Variants in NFIC observed in about 807,000 individuals in gnomAD.
NFIC encodes the protein nuclear factor I C, also known as nuclear factor 1 C-type.
Under a neutral mutation model 54.4 loss-of-function variants are expected in NFIC, and 12 were observed. The ratio of observed to expected loss-of-function variants is 0.22; its 90% CI spans 0.14 to 0.36. The LOEUF is 0.36. Ranked by LOEUF, NFIC falls within the 10% of genes least tolerant of loss-of-function variation. NFIC has a pLI of 1.00. For missense variants in NFIC, 575 were observed against 718.2 expected, an observed-to-expected ratio of 0.80 and a Z score of 2.28; for synonymous variants, 322 against 319.2, an observed-to-expected ratio of 1.01 and a Z score of -0.09.
At position 3,455,414 on chromosome 19, in the gene NFIC, A is replaced by G. The variant is rs374795449; in HGVS notation, c.1424-1136A>G. 3.4e-5 allele frequency among the ~76,000 whole-genome samples: 5 copies of G among 147,600 alleles called. No homozygotes were observed. In the East Asian group the frequency reaches 8.0e-4, roughly 24 times the overall value. On this transcript the variant is annotated intron_variant, in intron 9 of 10. Coordinates refer to ENST00000443272, the MANE Select transcript of NFIC (RefSeq NM_001245002.2). ...TGGGATTATGCCCAGTGCCTGGCAT[A>G]CAGTAGACACTTAATAGATGCAGGA...
upstream of NFIC, among the ~76,000 whole-genome samples, chr19:3,361,926 A>G (rs2080816972): frequency 6.6e-6 from 1 of 152,162 alleles, no homozygotes; most frequent in African/African-American, 2.4e-5. Flanking sequence ...AGAGACTCAC[A>G]TAGACACACA....
chr19:3,366,802 C>CTGGGGTCCACG, intron 1 of NFIC, 136 bp downstream of exon 1: 1 of 574,960 alleles, frequency 1.7e-6, no homozygotes, highest in South Asian at 3.0e-5. Context: ...GCCCCCCGCG[C>CTGGGGTCCACG]CGAGGGCTGG....
intron 10 of NFIC, among the ~76,000 whole-genome samples, chr19:3,461,527 A>G (rs1490774059): frequency 6.6e-6 from 1 of 150,568 alleles, no homozygotes; most frequent in Non-Finnish European, 1.5e-5. Flanking sequence ...ATTCAAGACC[A>G]GCCCGGCCAA....
At chr19:3,384,055 T>G (rs1428993810) in intron 2 of NFIC, among the ~76,000 whole-genome samples, 6 of 150,424 alleles carry the variant, frequency 4.0e-5, no homozygotes, top group Non-Finnish European at 7.4e-5. Flanking sequence ...CAGTGTTTTT[T>G]TTTTTTTTTT....
At chr19:3,457,772 G>A (rs1474625476) in intron 10 of NFIC, 6 of 152,194 alleles carry the variant, frequency 3.9e-5, no homozygotes, top group South Asian at 4.1e-4. Context: ...GGGACCCTGC[G>A]GGGCTGTCCT....
At chr19:3,400,357 G>A (rs982750272) in intron 2 of NFIC, among the ~76,000 whole-genome samples, 1 of 151,932 alleles carries the variant, frequency 6.6e-6, no homozygotes, top group African/African-American at 2.4e-5. Context: ...GGTGCCTGTT[G>A]TCCCAGATCC....
At chr19:3,399,247 G>A (rs971618945) in intron 2 of NFIC, among the ~76,000 whole-genome samples, 1 of 152,220 alleles carries the variant, frequency 6.6e-6, no homozygotes, top group Non-Finnish European at 1.5e-5. Context: ...CCTGCTCTGT[G>A]GGGTTGCTGA....
intron 2 of NFIC, among the ~76,000 whole-genome samples, chr19:3,393,970 TCTCG>T (rs972886395): frequency 4.4e-4 from 66 of 151,102 alleles, no homozygotes; most frequent in African/African-American, 1.5e-3. Context: ...TGAGACAGAG[TCTCG>T]CTCTGTCGCC....
In NFIC at chr19:3,463,572, C is replaced by T. The variant is rs986042897; in HGVS notation, c.*803C>T. 2 of 985,216 alleles carry T rather than the reference C, an allele frequency of 2.0e-6. No individual in the cohort carries two copies. Among genetic ancestry groups the T allele is most frequent in the Middle Eastern group, 5.2e-4 (1 of 1,914 alleles). 61.0% of individuals were successfully genotyped at this position (985,216 alleles called of 1,614,324 possible). A position where few individuals can be genotyped will look rare whatever the true frequency, so the allele number is the denominator to read the frequency against. ...TGTCTCGCTGGGGACTCTTTCAGCC[C>T]TCGCGCCCGCCCGTTTGGGAGGAGA... On this transcript the variant is annotated 3_prime_UTR_variant, in exon 11 of 11. Transcript: ENST00000443272.
intron 2 of NFIC, among the ~76,000 whole-genome samples, chr19:3,398,910 G>A (rs7246450): frequency 0.92 from 140,860 of 152,326 alleles, 65,475 homozygotes; most frequent in East Asian, 0.98. Flanking sequence ...TGCGGACTCC[G>A]CCCTCAGCAA....
rs2082471501 is a variant in NFIC at position 3,452,011 on chromosome 19, G to A, written c.1085-471G>A. On this transcript the variant is annotated intron_variant, in intron 7 of 10. Transcript: ENST00000443272. This position sits in a 1 kb window ranked among gnomAD's most constrained non-coding sequence, Gnocchi z 5.3. ...GTGCACTTGTAATCCCAGCTACTCG[G>A]GAGGCTGAGGCAGAATTGCTTGAAC... 6.6e-6 allele frequency among the ~76,000 whole-genome samples: 1 copy of A among 151,620 alleles called. No homozygotes were observed. The highest frequency in any genetic ancestry group is 2.4e-5 in the African/African-American group (1 of 41,178).
At chr19:3,367,610 C>T (rs1287350933) in intron 1 of NFIC, among the ~76,000 whole-genome samples, 1 of 152,218 alleles carries the variant, frequency 6.6e-6, no homozygotes, top group African/African-American at 2.4e-5. Flanking sequence ...TCCTTCCAGC[C>T]CAGGCTCCCG....
rs539220996 is a variant in NFIC at position 3,383,987 on chromosome 19, C to G, written c.562+1744C>G. Among the ~76,000 whole-genome samples the G allele has an allele frequency of 3.3e-5, 5 of 151,762 alleles. No individual in the cohort carries two copies. The East Asian group carries it at 9.7e-4, about 29-fold the overall frequency. ...TTCTAGAGCTGGTGCAAGGGTGAGA[C>G]AGGGTCACGGGCTCCCAGGCTCTAG... On this transcript the variant is annotated intron_variant, in intron 2 of 10. Coordinates refer to ENST00000443272, the MANE Select transcript of NFIC (RefSeq NM_001245002.2).
At position 3,424,298 on chromosome 19, in the gene NFIC, G is replaced by T. The variant is rs545393802; in HGVS notation, c.563-808G>T. Reference sequence around the variant, plus strand: ...CTGCCTTGGCCTCCCAAAGTGCTGGGATTACAGGTGTGAGCCACCGTGCCT... The same window carrying T: ...CTGCCTTGGCCTCCCAAAGTGCTGGTATTACAGGTGTGAGCCACCGTGCCT... On this transcript the variant is annotated intron_variant, in intron 2 of 10. Coordinates refer to ENST00000443272, the MANE Select transcript of NFIC (RefSeq NM_001245002.2). Among the ~76,000 whole-genome samples the T allele has an allele frequency of 1.2e-3, 181 of 152,124 alleles. 1 individual carries two copies. The highest frequency in any genetic ancestry group is 1.3e-3 in the Non-Finnish European group (89 of 67,994).
At position 3,370,764 on chromosome 19, in the gene NFIC, G is replaced by T. The variant is rs2080993274; in HGVS notation, c.30+4098G>T. ...CTTCTTTCTCTCTCTCTGTCTCTCT[G>T]AGCTGGCCTCCCTCCCTGTCTCACA... On this transcript the variant is annotated intron_variant, in intron 1 of 10. Transcript: ENST00000443272. This position sits in a 1 kb window ranked among gnomAD's most constrained non-coding sequence, Gnocchi z 5.2. Among the ~76,000 whole-genome samples, 1 of 150,270 alleles carries T rather than the reference G, an allele frequency of 6.7e-6. No individual in the cohort carries two copies. The highest frequency in any genetic ancestry group is 1.5e-5 in the Non-Finnish European group (1 of 67,718).
At position 3,393,683 on chromosome 19, in the gene NFIC, C is replaced by T. The variant is rs1049070449; in HGVS notation, c.562+11440C>T. On this transcript the variant is annotated intron_variant, in intron 2 of 10. Coordinates refer to ENST00000443272, the MANE Select transcript of NFIC (RefSeq NM_001245002.2). ...TACAAAAATGAGCCGGGCGTGGTGGCGCGAACCTGTAATCCCAGCTACTCT... is the reference window on the plus strand; with the variant it reads ...TACAAAAATGAGCCGGGCGTGGTGGTGCGAACCTGTAATCCCAGCTACTCT... 3.3e-5 allele frequency among the ~76,000 whole-genome samples: 5 copies of T among 151,382 alleles called. No individual in the cohort carries two copies. In the East Asian group the frequency reaches 8.0e-4, roughly 24 times the overall value.
At chr19:3,431,145 C>T (rs546348276) in intron 3 of NFIC, among the ~76,000 whole-genome samples, 21 of 151,200 alleles carry the variant, frequency 1.4e-4, no homozygotes, top group East Asian at 9.9e-4. Flanking sequence ...GTCGCGATCT[C>T]GGCCTGTAGC....
chr19:3,372,711 G>GGA (rs758125906), intron 1 of NFIC, among the ~76,000 whole-genome samples: 1 of 146,842 alleles, frequency 6.8e-6, no homozygotes, highest in African/African-American at 2.5e-5. Context: ...CAGGAGTGGG[G>GGA]TGGGGGGGTG....
At chr19:3,400,335 GGCGT>G (rs1026841177) in intron 2 of NFIC, among the ~76,000 whole-genome samples, 5 of 152,054 alleles carry the variant, frequency 3.3e-5, no homozygotes, top group Admixed American at 2.6e-4. Flanking sequence ...AAATTAGCCA[GGCGT>G]GATGGCAGGT....
Sources: allele counts gnomAD v4.1 joint callset (sites outside exome capture counted in the v4.1 genomes callset), GRCh38; gene constraint gnomAD v4.1.1; non-coding constraint Gnocchi (gnomAD v3.1); transcripts MANE v1.5; gene names NCBI Gene and HGNC (gene_info 2026-07-23, HGNC 2026-07-21).